OLA1: variants seen among roughly 807,000 people sequenced by gnomAD.
OLA1 encodes Obg like ATPase 1.
OLA1 carries 14 observed loss-of-function variants against 48.4 expected under a neutral mutation model. The observed-to-expected ratio is 0.29, with a 90% confidence interval of 0.19 to 0.45. The LOEUF (loss-of-function observed/expected upper bound fraction) is 0.45. OLA1 is among the 20% of genes least tolerant of loss of function. OLA1 has a pLI of 1.00. For missense variants in OLA1, 325 were observed against 467.1 expected (o/e 0.70, Z 2.80); for synonymous variants, 127 against 150.4 (o/e 0.84, Z 1.14).
chr2:174,222,630 C>A (rs1174401561), intron 4 of OLA1, among the ~76,000 whole-genome samples: 2 of 152,138 alleles, frequency 1.3e-5, no homozygotes, highest in African/African-American at 4.8e-5. Flanking sequence ...AACCCAGAAG[C>A]CTTTCTCTGT....
chr2:174,244,293 T>A (rs1689077415), intron 2 of OLA1, among the ~76,000 whole-genome samples: 1 of 152,248 alleles, frequency 6.6e-6, no homozygotes, highest in Non-Finnish European at 1.5e-5. Context: ...ACTGTACCTT[T>A]AAAATGAGTG....
chr2:174,134,936 C>T (rs192169457), intron 5 of OLA1, among the ~76,000 whole-genome samples: 2 of 151,946 alleles, frequency 1.3e-5, no homozygotes, highest in African/African-American at 4.8e-5. Flanking sequence ...CTGAGGCCGG[C>T]GGATCACAAG....
At chr2:174,128,524 G>A (rs1019614815) in intron 5 of OLA1, among the ~76,000 whole-genome samples, 4 of 151,982 alleles carry the variant, frequency 2.6e-5, no homozygotes, top group Non-Finnish European at 2.9e-5. Context: ...GAGGTCAGGA[G>A]TTTGAGAACA....
chr2:174,114,602 CCAA>C (rs572326781), intron 7 of OLA1, among the ~76,000 whole-genome samples: 19 of 152,150 alleles, frequency 1.2e-4, no homozygotes, highest in South Asian at 4.2e-4. Flanking sequence ...TGGATTAAAT[CCAA>C]CAACATTTCC....
intron 7 of OLA1, among the ~76,000 whole-genome samples, chr2:174,084,681 T>C (rs1200016512): frequency 6.6e-6 from 1 of 152,190 alleles, no homozygotes; most frequent in Non-Finnish European, 1.5e-5. Flanking sequence ...GTCTATTCTC[T>C]TTCTACAAAC....
At chr2:174,077,879 G>T (rs370432283) in intron 10 of OLA1, among the ~76,000 whole-genome samples, 7 of 151,798 alleles carry the variant, frequency 4.6e-5, no homozygotes, top group African/African-American at 1.7e-4. Flanking sequence ...ATTTTTGTTC[G>T]TCTAATTAGT....
At position 174,075,190 on chromosome 2, in the gene OLA1, TTGGA is replaced by T. The variant is rs1684701213; in HGVS notation, c.*232_*235del. The T allele has an allele frequency of 5.0e-6, 2 of 403,184 alleles. No homozygotes were observed. 25.0% of individuals were successfully genotyped at this position (403,184 alleles called of 1,614,324 possible). On this transcript the variant is annotated 3_prime_UTR_variant, in exon 11 of 11. Coordinates refer to ENST00000284719, the MANE Select transcript of OLA1 (RefSeq NM_013341.5). ...ATGGTTCCTGAAAAGCTTCTACAAT[TTGGA>T]GTAGGGTCTTAATCACGTGAAAAGC...
intron 7 of OLA1, among the ~76,000 whole-genome samples, chr2:174,120,715 A>G (rs1459042174): frequency 6.6e-6 from 1 of 152,196 alleles, no homozygotes; most frequent in Non-Finnish European, 1.5e-5. Context: ...AGGGTTGAAA[A>G]ATAACACATT....
chr2:174,116,234 A>G (rs957062464), intron 7 of OLA1, among the ~76,000 whole-genome samples: 1 of 152,216 alleles, frequency 6.6e-6, no homozygotes, highest in African/African-American at 2.4e-5. Flanking sequence ...CATTTTTAAA[A>G]AGCAGAATTT....
intron 4 of OLA1, among the ~76,000 whole-genome samples, chr2:174,158,458 A>G (rs547694556): frequency 6.6e-6 from 1 of 152,306 alleles, no homozygotes; most frequent in East Asian, 1.9e-4. Context: ...TACATTAAAA[A>G]AATTTCTTTC....
intron 7 of OLA1, among the ~76,000 whole-genome samples, chr2:174,090,595 G>T (rs561362697): frequency 1.3e-5 from 2 of 152,310 alleles, no homozygotes; most frequent in Non-Finnish European, 2.9e-5. Flanking sequence ...CTTAAAAAGA[G>T]AACAGAAGAG....
At chr2:174,126,381 C>T (rs1002758057) in intron 5 of OLA1, among the ~76,000 whole-genome samples, 4 of 152,050 alleles carry the variant, frequency 2.6e-5, no homozygotes, top group Non-Finnish European at 5.9e-5. Flanking sequence ...GCCTTAGGTT[C>T]CATATTTCTT....
chr2:174,229,276 T>C, intron 3 of OLA1, 32 bp downstream of exon 3: 11 of 1,604,366 alleles, frequency 6.9e-6, no homozygotes, highest in Non-Finnish European at 9.4e-6. Flanking sequence ...CTACACAAAA[T>C]CACCAAATAA....
At chr2:174,100,914 C>A (rs1202689402) in intron 7 of OLA1, among the ~76,000 whole-genome samples, 1 of 152,142 alleles carries the variant, frequency 6.6e-6, no homozygotes, top group East Asian at 1.9e-4. Flanking sequence ...CACAACTTAT[C>A]CATTTTCCTA....
At chr2:174,157,535 G>A (rs893025779) in intron 4 of OLA1, among the ~76,000 whole-genome samples, 1 of 152,180 alleles carries the variant, frequency 6.6e-6, no homozygotes, top group African/African-American at 2.4e-5. Flanking sequence ...TTGATGCTGT[G>A]AGAAGAGAGA....
rs1428179442 is a variant in OLA1 at position 174,074,641 on chromosome 2, A to G, written c.*785T>C. On this transcript the variant is annotated 3_prime_UTR_variant, in exon 11 of 11. Coordinates refer to ENST00000284719, the MANE Select transcript of OLA1 (RefSeq NM_013341.5). ...ATTTAATAATTTCAAAGGAAAGATT[A>G]AAAGTGAACCTCTTTTCAATATGGT... 1 of 152,228 alleles carries G rather than the reference A, an allele frequency of 6.6e-6. No individual in the cohort carries two copies. The highest frequency in any genetic ancestry group is 1.9e-4 in the East Asian group (1 of 5,204). 9.4% of individuals were successfully genotyped at this position (152,228 alleles called of 1,614,324 possible).
chr2:174,210,253 C>T (rs1342611299), intron 4 of OLA1, among the ~76,000 whole-genome samples: 1 of 152,026 alleles, frequency 6.6e-6, no homozygotes, highest in Non-Finnish European at 1.5e-5. Flanking sequence ...CACATATAAT[C>T]AGGAGAAGAA....
chr2:174,166,748 T>A (rs575870979), intron 4 of OLA1, among the ~76,000 whole-genome samples: 1 of 152,306 alleles, frequency 6.6e-6, no homozygotes, highest in East Asian at 1.9e-4. Context: ...CTATTATCTT[T>A]AAAGTATGGG....
intron 4 of OLA1, among the ~76,000 whole-genome samples, chr2:174,160,927 C>A (rs545368235): frequency 1.3e-5 from 2 of 152,214 alleles, no homozygotes; most frequent in African/African-American, 4.8e-5. Flanking sequence ...CTTCACAGAA[C>A]CCTAAACGAC....
Sources: allele counts gnomAD v4.1 joint callset (sites outside exome capture counted in the v4.1 genomes callset), GRCh38; gene constraint gnomAD v4.1.1; transcripts MANE v1.5; gene names NCBI Gene and HGNC (gene_info 2026-07-23, HGNC 2026-07-21).